SYNE2: variants seen among roughly 807,000 people sequenced by gnomAD.
The protein encoded by SYNE2 is nesprin-2.
Under a neutral mutation model 856.3 loss-of-function variants are expected in SYNE2, and 431 were observed. The observed-to-expected ratio is 0.50, with a 90% CI of 0.47 to 0.55. The LOEUF is 0.55. SYNE2 is among the 20% of genes least tolerant of loss of function. The probability of loss-of-function intolerance (pLI) is 0.00; values close to 1 mark genes in which losing one functional copy is unlikely to be tolerated. For synonymous variants in SYNE2, 2,923 were observed against 2,872.3 expected (o/e 1.02, Z -0.56); for missense variants, 8,129 against 8,023.2 (o/e 1.01, Z -0.50).
At chr14:63,986,359 TA>T in intron 18 of SYNE2, 96 bp from the exon 19 acceptor site, 1 of 1,348,920 alleles carries the variant, frequency 7.4e-7, no homozygotes, top group Non-Finnish European at 1.0e-6. Context: ...CCTGGCCTCC[TA>T]AAGAGCTGGG....
intron 45 of SYNE2, among the ~76,000 whole-genome samples, chr14:64,037,709 C>T (rs552533964): frequency 9.6e-4 from 16 of 16,734 alleles, no homozygotes; most frequent in South Asian, 1.8e-3. Flanking sequence ...TAGGGGCGGC[C>T]GGGCAGAGGC....
At chr14:63,774,491 A>C (rs1355823787) in intron 1 of SYNE2, among the ~76,000 whole-genome samples, 6 of 151,544 alleles carry the variant, frequency 4.0e-5, no homozygotes, top group Non-Finnish European at 8.8e-5. Flanking sequence ...AAAAAAGAAA[A>C]AAAGAAACAA....
At chr14:64,014,970 T>TAC (rs1310338428) in intron 32 of SYNE2, among the ~76,000 whole-genome samples, 22 of 70,412 alleles carry the variant, frequency 3.1e-4, no homozygotes, top group African/African-American at 1.1e-3. Flanking sequence ...TATATATATA[T>TAC]ATATACACAC....
chr14:64,098,374 A>G (rs1372161935), intron 62 of SYNE2: 1 of 614,608 alleles, frequency 1.6e-6, no homozygotes, highest in East Asian at 2.8e-5. Context: ...ACTTTAGGAC[A>G]TGCTTATAAA....
chr14:63,848,776 T>C (rs1323871555), upstream of SYNE2, among the ~76,000 whole-genome samples: 1 of 152,250 alleles, frequency 6.6e-6, no homozygotes, highest in Non-Finnish European at 1.5e-5. Context: ...AGTTACTGAC[T>C]GAAATAATTG....
intron 11 of SYNE2, among the ~76,000 whole-genome samples, chr14:63,973,356 G>A (rs764251858): frequency 2.6e-5 from 4 of 152,056 alleles, no homozygotes; most frequent in Non-Finnish European, 5.9e-5. Flanking sequence ...AATTGGCCAG[G>A]TGCAGTGGCT....
At chr14:63,781,822 T>C (rs1887322584) in intron 1 of SYNE2, among the ~76,000 whole-genome samples, 1 of 152,078 alleles carries the variant, frequency 6.6e-6, no homozygotes. Flanking sequence ...AATAAGGTAG[T>C]ATAGAATATC....
intron 1 of SYNE2, among the ~76,000 whole-genome samples, chr14:63,846,045 T>C (rs1283729332): frequency 6.4e-5 from 3 of 46,814 alleles, no homozygotes; most frequent in Non-Finnish European, 1.9e-4. Flanking sequence ...TACCTGCCCT[T>C]TTTTTTTTTT....
intron 1 of SYNE2, among the ~76,000 whole-genome samples, chr14:63,790,101 G>A (rs960266127): frequency 1.3e-5 from 2 of 152,126 alleles, no homozygotes; most frequent in East Asian, 1.9e-4. Flanking sequence ...GAAGCCCAAG[G>A]TGGGCCAATT....
In SYNE2 at chr14:64,165,673, C is replaced by T. The variant is rs576627188; in HGVS notation, c.16605+263C>T. Among the ~76,000 whole-genome samples, 7 of 152,128 alleles carry T rather than the reference C, an allele frequency of 4.6e-5. No individual in the cohort carries two copies. The South Asian group carries it at 1.0e-3, about 23-fold the overall frequency. On this transcript the variant is annotated intron_variant, in intron 90 of 115. Transcript: ENST00000555002. ...GACTACAGACATGTGCCACCATGTC[C>T]GGCTAATTTTTGTATTTTTTAGTAG...
In SYNE2 at chr14:64,053,035, T is replaced by C. The variant is rs1180392174; in HGVS notation, c.9122T>C (p.Phe3041Ser). 6.2e-7 allele frequency: 1 copy of C among 1,613,892 alleles called. No homozygotes were observed. Among genetic ancestry groups the C allele is most frequent in the East Asian group, 2.2e-5 (1 of 44,864 alleles). The part of the protein sequence containing the change: ...LEEKIKQLDT[F>S]EEEHGKYQAL... ...GAAAAAATTAAGCAGTTGGACACAT[T>C]TGAGGAAGAACATGGCAAATATCAG... is the stretch of plus-strand genomic sequence containing the variant. The change falls in exon 48 of 116, where the codon TTT (phenylalanine) becomes TCT (serine). Residue 3041 changes from phenylalanine to serine, a missense_variant. By Grantham distance (155) the Phe-to-Ser change is radical. Transcript: ENST00000555002.
chr14:63,782,596 G>T (rs1301482865), intron 1 of SYNE2, among the ~76,000 whole-genome samples: 1 of 151,496 alleles, frequency 6.6e-6, no homozygotes, highest in Non-Finnish European at 1.5e-5. Context: ...TAGAAATGGA[G>T]TATTACCCAT....
Position 63,829,781 on chromosome 14 carries a change from T to A in SYNE2, c.-304-22720T>A, listed in dbSNP as rs891466434. 4.6e-5 allele frequency among the ~76,000 whole-genome samples: 7 copies of A among 151,970 alleles called. No individual in the cohort carries two copies. In the East Asian group the frequency reaches 1.2e-3, roughly 25 times the overall value. On this transcript the variant is annotated intron_variant, in intron 1 of 23. Transcript: ENST00000674003. ...GACTACAGACATGCACTGCCCCAGA[T>A]AATTTTTTTTATTTTTGGGGTAGAC... is the stretch of plus-strand genomic sequence containing the variant.
intron 1 of SYNE2, among the ~76,000 whole-genome samples, chr14:63,854,436 T>G (rs1375842457): frequency 6.6e-6 from 1 of 152,184 alleles, no homozygotes; most frequent in African/African-American, 2.4e-5. Flanking sequence ...AATGCATGAC[T>G]CCTTCTCCAA....
chr14:63,793,577 A>G (rs1021163479), intron 1 of SYNE2, among the ~76,000 whole-genome samples: 12 of 152,170 alleles, frequency 7.9e-5, no homozygotes, highest in Admixed American at 4.6e-4. Flanking sequence ...CAGAGCATCA[A>G]ACAAAGACTT....
intron 33 of SYNE2, among the ~76,000 whole-genome samples, chr14:64,017,328 C>CAAAAAAAAA (rs34399201): frequency 9.0e-5 from 6 of 66,580 alleles, no homozygotes; most frequent in African/African-American, 2.4e-4. Context: ...GACTCCATCT[C>CAAAAAAAAA]AAAAAAAAAA....
At chr14:64,174,066 A>AC in intron 94 of SYNE2, 1 of 528,154 alleles carries the variant, frequency 1.9e-6, no homozygotes. Flanking sequence ...CTTGTCTCTT[A>AC]AATTTTTTTT....
At chr14:63,801,652 C>A (rs990309104) in intron 1 of SYNE2, among the ~76,000 whole-genome samples, 8 of 151,498 alleles carry the variant, frequency 5.3e-5, no homozygotes, top group Admixed American at 2.0e-4. Flanking sequence ...CCAACCTGGG[C>A]AACAACAGTG....
chr14:64,011,481 C>T (rs1171844155), intron 32 of SYNE2, among the ~76,000 whole-genome samples: 2 of 152,282 alleles, frequency 1.3e-5, no homozygotes, highest in East Asian at 3.9e-4. Context: ...TCCTCTCGGG[C>T]TTGTGTCCCA....
Sources: gnomAD v4.1 joint callset for allele counts (sites outside exome capture counted in the v4.1 genomes callset) on GRCh38, gnomAD v4.1.1 for gene constraint, MANE v1.5 for transcripts, NCBI Gene and HGNC (gene_info 2026-07-23, HGNC 2026-07-21) for gene names.